The following PCDH19 variants were observed in gnomAD, a reference collection of about 807,000 sequenced individuals.
PCDH19 encodes the protein protocadherin 19.
Under a neutral mutation model 46.2 loss-of-function variants are expected in PCDH19, and 6 were observed. The observed-to-expected ratio is 0.13, with a 90% confidence interval of 0.07 to 0.26. The LOEUF (loss-of-function observed/expected upper bound fraction) is 0.26, where lower values mean the gene tolerates loss of function less well. Ranked by LOEUF, PCDH19 falls within the 10% of genes least tolerant of loss-of-function variation. The pLI, the probability that PCDH19 is intolerant of heterozygous loss-of-function variation, is 1.00. For missense variants in PCDH19, 740 were observed against 972.3 expected, an observed-to-expected ratio of 0.76 and a Z score of 3.18; for synonymous variants, 481 against 415.7, an observed-to-expected ratio of 1.16 and a Z score of -1.91.
At chrX:100,356,792 C>T (rs776733469) in intron 3 of PCDH19, among the ~76,000 whole-genome samples, 11 of 111,066 alleles carry the variant, frequency 9.9e-5, no homozygotes, top group South Asian at 3.9e-4. Context: ...CACACTCACA[C>T]GCACACACAC....
chrX:100,379,736 C>T (rs796487359), intron 3 of PCDH19, among the ~76,000 whole-genome samples: 1 of 112,188 alleles, frequency 8.9e-6, no homozygotes, highest in South Asian at 3.7e-4. Context: ...GGAAGAGGCC[C>T]TTGACCTCCT....
At chrX:100,322,528 T>TTTTTG (rs370120234) in intron 5 of PCDH19, among the ~76,000 whole-genome samples, 13 of 110,248 alleles carry the variant, frequency 1.2e-4, no homozygotes, top group East Asian at 2.8e-4. Context: ...GTTTTTTTGT[T>TTTTTG]TTTTGTTTTG....
At chrX:100,300,622 T>C (rs756435111) in intron 5 of PCDH19, among the ~76,000 whole-genome samples, 134 of 111,817 alleles carry the variant, frequency 1.2e-3, no homozygotes, top group African/African-American at 4.2e-3. Context: ...GTGTCTTTAA[T>C]TTAAACATAC....
intron 5 of PCDH19, among the ~76,000 whole-genome samples, chrX:100,333,179 GAGAGAGAAAGAAAGAAAGAAAGAA>G: frequency 2.1e-5 from 1 of 46,965 alleles, no homozygotes; most frequent in African/African-American, 8.3e-5. Context: ...GGAAGGGAGA[GAGAGAGAAAGAAAGAAAGAAAGAA>G]AGAAAGAAAG....
chrX:100,322,833 G>GTATGTA (rs1925536914), intron 5 of PCDH19, among the ~76,000 whole-genome samples: 1 of 48,797 alleles, frequency 2.0e-5, no homozygotes, highest in South Asian at 1.2e-3. Context: ...ATATTCCTAA[G>GTATGTA]TATATATATA....
At chrX:100,321,890 C>T (rs1264184673) in intron 5 of PCDH19, among the ~76,000 whole-genome samples, 2 of 104,351 alleles carry the variant, frequency 1.9e-5, no homozygotes, top group Non-Finnish European at 3.9e-5. Context: ...CCCGGGTTCA[C>T]GCCATTCTCC....
intron 3 of PCDH19, among the ~76,000 whole-genome samples, chrX:100,373,255 C>A (rs1454686708): frequency 1.8e-5 from 2 of 112,953 alleles, no homozygotes; most frequent in African/African-American, 6.4e-5. Context: ...GATCTGCCCC[C>A]CTCAGCCTCC....
chrX:100,296,597 T>C lies in PCDH19; in HGVS notation c.3127A>G (p.Ile1043Val), dbSNP rs189342249. ...LKGKRTVDVT[I>V]CSPKVNSVIR... Reference sequence around the variant, plus strand: ...ACGCTGTTGACCTTGGGGCTGCAGATGGTCACATCGACAGTCCTCTTGCCT... The same window carrying C: ...ACGCTGTTGACCTTGGGGCTGCAGACGGTCACATCGACAGTCCTCTTGCCT... Residue 1043 changes from isoleucine (I) to valine (V), a missense_variant, in exon 6 of 6, where the codon ATC becomes GTC. Ile to Val is a conservative substitution (Grantham distance 29). Transcript: ENST00000373034. 27 of 1,209,621 alleles carry C rather than the reference T, an allele frequency of 2.2e-5. No homozygotes were observed. The Admixed American group carries it at 4.6e-4, about 21-fold the overall frequency.
intron 3 of PCDH19, among the ~76,000 whole-genome samples, chrX:100,352,616 G>A (rs769516250): frequency 9.0e-6 from 1 of 111,638 alleles, no homozygotes; most frequent in South Asian, 3.8e-4. Context: ...ATCCCTCTTG[G>A]TACTGTTCTC....
At chrX:100,309,930 A>T (rs1391831278) in intron 5 of PCDH19, among the ~76,000 whole-genome samples, 1 of 112,660 alleles carries the variant, frequency 8.9e-6, no homozygotes, top group African/African-American at 3.2e-5. Flanking sequence ...CATTTCACTG[A>T]TCAGCATTAG....
At chrX:100,397,076 T>A (rs1394468669) in intron 3 of PCDH19, among the ~76,000 whole-genome samples, 1 of 112,078 alleles carries the variant, frequency 8.9e-6, no homozygotes, top group Non-Finnish European at 1.9e-5. Context: ...ACCAGCCTTA[T>A]CATACCTATT....
chrX:100,391,866 T>A (rs763504559), intron 3 of PCDH19, among the ~76,000 whole-genome samples: 1 of 112,356 alleles, frequency 8.9e-6, no homozygotes, highest in East Asian at 2.8e-4. Context: ...TTCTAGATGG[T>A]TATCTTTGAT....
intron 3 of PCDH19, among the ~76,000 whole-genome samples, chrX:100,365,200 C>A (rs1392643588): frequency 9.0e-6 from 1 of 111,372 alleles, no homozygotes; most frequent in Non-Finnish European, 1.9e-5. Context: ...TGTATATAGG[C>A]AAAATACTCC....
At chrX:100,370,343 T>A (rs1927181727) in intron 3 of PCDH19, among the ~76,000 whole-genome samples, 1 of 112,166 alleles carries the variant, frequency 8.9e-6, no homozygotes, top group African/African-American at 3.2e-5. Flanking sequence ...CAAACTGTTG[T>A]CTACTTGAAG....
chrX:100,355,560 A>G (rs1432208895), intron 3 of PCDH19, among the ~76,000 whole-genome samples: 1 of 111,876 alleles, frequency 8.9e-6, no homozygotes, highest in East Asian at 2.8e-4. Flanking sequence ...ATTTGTGTCT[A>G]GAAAAAAAAG....
chrX:100,314,048 A>G (rs1925222479), intron 5 of PCDH19, among the ~76,000 whole-genome samples: 1 of 112,055 alleles, frequency 8.9e-6, no homozygotes, highest in South Asian at 3.7e-4. Flanking sequence ...TGCAAACTAA[A>G]AAGTTTATAT....
Position 100,292,038 on chromosome X carries a change from T to C in PCDH19, c.*4239A>G, listed in dbSNP as rs1472270868. 2 of 113,329 alleles carry C rather than the reference T, an allele frequency of 1.8e-5. No individual in the cohort carries two copies. The highest frequency in any genetic ancestry group is 3.7e-5 in the Non-Finnish European group (2 of 53,380). 9.3% of individuals were successfully genotyped at this position (113,329 alleles called of 1,213,427 possible). On this transcript the variant is annotated 3_prime_UTR_variant, in exon 6 of 6. Transcript: ENST00000373034. ...GTGTCATCAGGCTCATTCCCCTCAC[T>C]AGAGGAGCGAAGGCGTAAGCCTATT... is the stretch of plus-strand genomic sequence containing the variant.
At chrX:100,334,847 CAT>C (rs1203772249) in intron 5 of PCDH19, among the ~76,000 whole-genome samples, 3 of 45,407 alleles carry the variant, frequency 6.6e-5, no homozygotes, top group African/African-American at 1.8e-4. Context: ...TACACATATA[CAT>C]ATATATGTCT....
chrX:100,353,714 T>C (rs1042823860), intron 3 of PCDH19, among the ~76,000 whole-genome samples: 1 of 111,960 alleles, frequency 8.9e-6, no homozygotes, highest in Non-Finnish European at 1.9e-5. Context: ...AAGAATATCA[T>C]AGAAGCTTGT....
Sources: allele counts gnomAD v4.1 joint callset (sites outside exome capture counted in the v4.1 genomes callset), GRCh38; gene constraint gnomAD v4.1.1; transcripts MANE v1.5; gene names NCBI Gene and HGNC (gene_info 2026-07-23, HGNC 2026-07-21).